The following RMST variants were observed in gnomAD, a reference collection of about 807,000 sequenced individuals.
RMST encodes rhabdomyosarcoma 2 associated transcript.
intron 5 of RMST, among the ~76,000 whole-genome samples, chr12:97,473,994 G>A (rs903709302): frequency 6.6e-6 from 1 of 151,954 alleles, no homozygotes; most frequent in Admixed American, 6.6e-5. Context: ...GACTATTTCT[G>A]GCTTCTCTGC....
intron 10 of RMST, among the ~76,000 whole-genome samples, chr12:97,499,915 T>C (rs534229769): frequency 6.6e-6 from 1 of 152,288 alleles, no homozygotes; most frequent in South Asian, 2.1e-4. Flanking sequence ...TGCCTTGGCC[T>C]CCCAAAGTAT....
rs79104665 is a variant in RMST at position 97,531,255 on chromosome 12, A to G, written n.1545+396A>G. Reference sequence around the variant, plus strand: ...TTGTGTCAACTAGTTCTAGGAAAGGAAAAAAAAGCAAAGTGTAGTTATAGA... The same window carrying G: ...TTGTGTCAACTAGTTCTAGGAAAGGGAAAAAAAGCAAAGTGTAGTTATAGA... On this transcript the variant is annotated intron_variant and non_coding_transcript_variant, in intron 11 of 13. Coordinates refer to ENST00000640149, the Ensembl canonical transcript of RMST. 8.6e-3 allele frequency among the ~76,000 whole-genome samples: 1,300 copies of G among 151,932 alleles called. 17 individuals carry two copies. Among genetic ancestry groups the G allele is most frequent in the African/African-American group, 0.03 (1,244 of 41,474 alleles).
chr12:97,515,610 A>G (rs1418498542), intron 10 of RMST, among the ~76,000 whole-genome samples: 1 of 152,116 alleles, frequency 6.6e-6, no homozygotes, highest in African/African-American at 2.4e-5. Context: ...AAGTGAATAA[A>G]CATGTTTTCC....
chr12:97,555,813 C>G (rs1311043229), intron 11 of RMST, among the ~76,000 whole-genome samples: 1 of 152,170 alleles, frequency 6.6e-6, no homozygotes, highest in Non-Finnish European at 1.5e-5. Flanking sequence ...CTGACCTTTT[C>G]AAATTGCATC....
intron 10 of RMST, among the ~76,000 whole-genome samples, chr12:97,504,318 C>G (rs1224725707): frequency 6.7e-6 from 1 of 149,948 alleles, no homozygotes; most frequent in Admixed American, 6.7e-5. Context: ...GCAGGAAAAT[C>G]GCTTAAACCT....
intron 10 of RMST, among the ~76,000 whole-genome samples, chr12:97,512,034 C>G (rs1879372784): frequency 6.6e-6 from 1 of 152,104 alleles, no homozygotes; most frequent in African/African-American, 2.4e-5. Flanking sequence ...GTGGCGTGTC[C>G]AGAGTTTGTT....
chr12:97,513,993 T>C (rs950696018), intron 10 of RMST, among the ~76,000 whole-genome samples: 2 of 152,126 alleles, frequency 1.3e-5, no homozygotes, highest in South Asian at 2.1e-4. Flanking sequence ...TTTTATGAGG[T>C]AGATGTTAGC....
At chr12:97,523,906 T>C (rs1565931193) in intron 10 of RMST, among the ~76,000 whole-genome samples, 2 of 151,346 alleles carry the variant, frequency 1.3e-5, no homozygotes, top group African/African-American at 2.4e-5. Context: ...TGAAACCCCA[T>C]CTCTACTAAA....
In RMST at chr12:97,516,323, C is replaced by A. The variant is rs557015381; in HGVS notation, n.1341-14332C>A. Among the ~76,000 whole-genome samples the A allele has an allele frequency of 8.6e-5, 13 of 151,974 alleles. No individual in the cohort carries two copies. In the South Asian group the frequency reaches 2.7e-3, roughly 32 times the overall value. The stretch of plus-strand genomic sequence containing the variant: ...TTTGAAAGTAACGTAAATAAAACAA[C>A]AGGTGTAGGGTGTGCTAATTGCCGT... On this transcript the variant is annotated intron_variant and non_coding_transcript_variant, in intron 10 of 13. Transcript: ENST00000640149.
At chr12:97,551,633 G>T (rs1309217613) in intron 11 of RMST, among the ~76,000 whole-genome samples, 1 of 152,080 alleles carries the variant, frequency 6.6e-6, no homozygotes, top group Non-Finnish European at 1.5e-5. Flanking sequence ...TTCTTTTGGG[G>T]ATAAGCCTTT....
intron 5 of RMST, among the ~76,000 whole-genome samples, chr12:97,471,765 C>T (rs1290136475): frequency 6.6e-6 from 1 of 152,100 alleles, no homozygotes; most frequent in Non-Finnish European, 1.5e-5. Context: ...TGTGATTTGC[C>T]ATAAGAACGC....
chr12:97,464,373 GC>G (rs1234809931), intron 4 of RMST, among the ~76,000 whole-genome samples: 1 of 152,158 alleles, frequency 6.6e-6, no homozygotes, highest in African/African-American at 2.4e-5. Context: ...AGTAATCGGG[GC>G]TAAAGATGGT....
chr12:97,465,403 G>T (rs145040075), intron 4 of RMST, among the ~76,000 whole-genome samples: 1 of 152,288 alleles, frequency 6.6e-6, no homozygotes, highest in Non-Finnish European at 1.5e-5. Context: ...TTAGAAAGGA[G>T]CCTTGGTGAT....
chr12:97,518,575 C>G lies in RMST; in HGVS notation n.1341-12080C>G, dbSNP rs945004939. On this transcript the variant is annotated intron_variant and non_coding_transcript_variant, in intron 10 of 13. Transcript: ENST00000640149. ...CTAATTCTCAGTGTCTGGAATGGGT[C>G]TGATAACCTGAGTTTTCAATAAGAA... is the stretch of plus-strand genomic sequence containing the variant. Among the ~76,000 whole-genome samples the G allele has an allele frequency of 3.9e-5, 6 of 152,214 alleles. No individual in the cohort carries two copies. In the South Asian group the frequency reaches 6.2e-4, roughly 16 times the overall value.
chr12:97,503,114 C>A (rs1450642921), intron 10 of RMST, among the ~76,000 whole-genome samples: 1 of 152,158 alleles, frequency 6.6e-6, no homozygotes, highest in East Asian at 1.9e-4. Flanking sequence ...CCTGTCTTTA[C>A]CATATTGATT....
intron 5 of RMST, among the ~76,000 whole-genome samples, chr12:97,473,553 A>G (rs1298134099): frequency 1.3e-5 from 2 of 152,144 alleles, no homozygotes; most frequent in Admixed American, 1.3e-4. Context: ...AAGATAGGCT[A>G]ACACATTCTA....
At chr12:97,542,240 G>T (rs1418248826) in intron 11 of RMST, among the ~76,000 whole-genome samples, 2 of 151,742 alleles carry the variant, frequency 1.3e-5, no homozygotes, top group Non-Finnish European at 2.9e-5. Context: ...ATTATGATTT[G>T]CAAGGTACTG....
At chr12:97,482,216 CTTTT>C (rs1432732289) in intron 5 of RMST, among the ~76,000 whole-genome samples, 1 of 152,152 alleles carries the variant, frequency 6.6e-6, no homozygotes, top group Non-Finnish European at 1.5e-5. Context: ...GATTGGCAAA[CTTTT>C]ACTGAGCTAG....
chr12:97,519,794 AT>A (rs1269442257), intron 10 of RMST, among the ~76,000 whole-genome samples: 1 of 152,204 alleles, frequency 6.6e-6, no homozygotes, highest in African/African-American at 2.4e-5. Flanking sequence ...ACCAGCTTAT[AT>A]AATTTGGTTT....
Sources: gnomAD v4.1 joint callset for allele counts (sites outside exome capture counted in the v4.1 genomes callset) on GRCh38, gnomAD v4.1.1 for gene constraint, MANE v1.5 for transcripts, NCBI Gene and HGNC (gene_info 2026-07-23, HGNC 2026-07-21) for gene names.